PTPN9: variants seen among roughly 807,000 people sequenced by gnomAD.
The protein encoded by PTPN9 is tyrosine-protein phosphatase non-receptor type 9.
A neutral mutation model predicts 69.8 loss-of-function variants in PTPN9; 26 were observed. The ratio of observed to expected loss-of-function variants is 0.37; its 90% CI spans 0.27 to 0.52. PTPN9 has a LOEUF of 0.52. Ranked by LOEUF, PTPN9 falls within the 20% of genes least tolerant of loss-of-function variation. PTPN9 has a pLI of 0.91. For missense variants in PTPN9, 549 were observed against 740.3 expected, an observed-to-expected ratio of 0.74 and a Z score of 3.00; for synonymous variants, 274 against 272.5, an observed-to-expected ratio of 1.01 and a Z score of -0.05.
intron 1 of PTPN9, among the ~76,000 whole-genome samples, chr15:75,543,070 A>G (rs1242570874): frequency 1.4e-5 from 2 of 139,010 alleles, no homozygotes; most frequent in African/African-American, 2.7e-5. Flanking sequence ...TCACTGTTCA[A>G]TTCCCACCTA....
chr15:75,499,354 A>G (rs2074760559), intron 7 of PTPN9, among the ~76,000 whole-genome samples: 2 of 151,064 alleles, frequency 1.3e-5, no homozygotes, highest in Non-Finnish European at 1.5e-5. Flanking sequence ...CTGATTGTCA[A>G]ATGGTAGCTG....
At chr15:75,507,181 T>C (rs774036221) in intron 6 of PTPN9, among the ~76,000 whole-genome samples, 7 of 152,162 alleles carry the variant, frequency 4.6e-5, no homozygotes, top group Admixed American at 6.5e-5. Context: ...CGGTGGCTCA[T>C]GCCTATAATC....
intron 1 of PTPN9, among the ~76,000 whole-genome samples, chr15:75,530,630 T>TTATAATATACTATAATATATATTATTA (rs2074954169): frequency 2.7e-5 from 2 of 73,992 alleles, no homozygotes; most frequent in South Asian, 3.7e-4. Context: ...TATTATTATA[T>TTATAATATACTATAATATATATTATTA]TATAATATAC....
At chr15:75,530,015 AAT>A (rs2074947586) in intron 1 of PTPN9, among the ~76,000 whole-genome samples, 1 of 151,844 alleles carries the variant, frequency 6.6e-6, no homozygotes, top group African/African-American at 2.4e-5. Context: ...CAGCCTGGCC[AAT>A]ATGGTGAAAC....
chr15:75,510,461 T>C (rs2074840333), intron 5 of PTPN9, among the ~76,000 whole-genome samples: 1 of 152,194 alleles, frequency 6.6e-6, no homozygotes, highest in Non-Finnish European at 1.5e-5. Context: ...GGTTTCGAAC[T>C]CCTGATCTCA....
intron 2 of PTPN9, among the ~76,000 whole-genome samples, chr15:75,524,777 C>CCAAA: frequency 2.7e-5 from 2 of 72,940 alleles, no homozygotes; most frequent in Non-Finnish European, 2.2e-5. Context: ...GACTCTGTCT[C>CCAAA]AAAAAAAAAA....
chr15:75,470,949 C>T (rs1373620095), intron 10 of PTPN9, 119 bp from the exon 11 acceptor site: 2 of 1,209,994 alleles, frequency 1.7e-6, no homozygotes, highest in East Asian at 4.7e-5. Context: ...TTGCTTCTAA[C>T]TTACACCATT....
chr15:75,483,113 C>G (rs903316191), intron 8 of PTPN9, among the ~76,000 whole-genome samples: 1 of 152,170 alleles, frequency 6.6e-6, no homozygotes, highest in Non-Finnish European at 1.5e-5. Flanking sequence ...CATGTGTAAA[C>G]CCTCCTTATA....
chr15:75,537,370 A>C (rs796299521), intron 1 of PTPN9, among the ~76,000 whole-genome samples: 4 of 146,952 alleles, frequency 2.7e-5, no homozygotes, highest in East Asian at 2.0e-4. Flanking sequence ...AAAAAAAAAA[A>C]AACTAGTGAT....
intron 2 of PTPN9, among the ~76,000 whole-genome samples, chr15:75,525,014 C>T (rs745400778): frequency 4.6e-5 from 7 of 151,830 alleles, no homozygotes; most frequent in Non-Finnish European, 4.4e-5. Context: ...TTCTTAAACA[C>T]GCAGCAGCAC....
intron 7 of PTPN9, among the ~76,000 whole-genome samples, chr15:75,498,571 C>T (rs2074756435): frequency 6.6e-6 from 1 of 151,708 alleles, no homozygotes; most frequent in Admixed American, 6.6e-5. Flanking sequence ...AAAAATTCGT[C>T]AGGCATGGTG....
At chr15:75,578,089 A>G (rs2075181927) in intron 1 of PTPN9, among the ~76,000 whole-genome samples, 1 of 152,198 alleles carries the variant, frequency 6.6e-6, no homozygotes. Context: ...GAGGGTAGGG[A>G]AGCGCGGGTG....
At chr15:75,477,878 T>C (rs2074605393) in intron 9 of PTPN9, among the ~76,000 whole-genome samples, 1 of 148,210 alleles carries the variant, frequency 6.7e-6, no homozygotes, top group Admixed American at 6.8e-5. Context: ...CCTTCCTCTG[T>C]CGCCCAGGCT....
At chr15:75,543,014 G>A (rs1172339479) in intron 1 of PTPN9, among the ~76,000 whole-genome samples, 12 of 82,700 alleles carry the variant, frequency 1.5e-4, no homozygotes, top group South Asian at 4.0e-4. Context: ...CCCACCCCAC[G>A]ACAGTCCCCG....
chr15:75,546,594 G>C (rs908445313), intron 1 of PTPN9, among the ~76,000 whole-genome samples: 5 of 151,510 alleles, frequency 3.3e-5, no homozygotes, highest in African/African-American at 1.2e-4. Flanking sequence ...AGTGAGCCGA[G>C]ATCATGCCAC....
At chr15:75,489,720 CAAATT>C (rs996315013) in intron 8 of PTPN9, among the ~76,000 whole-genome samples, 3 of 152,158 alleles carry the variant, frequency 2.0e-5, no homozygotes, top group African/African-American at 7.2e-5. Context: ...TAGATATAAT[CAAATT>C]AATATATTAA....
At chr15:75,501,645 G>T (rs967026586) in intron 7 of PTPN9, among the ~76,000 whole-genome samples, 1 of 151,708 alleles carries the variant, frequency 6.6e-6, no homozygotes, top group Non-Finnish European at 1.5e-5. Context: ...TTTTGTAGAG[G>T]TAGGGTCTTG....
At chr15:75,502,044 C>G (rs2074775428) in intron 7 of PTPN9, among the ~76,000 whole-genome samples, 1 of 151,650 alleles carries the variant, frequency 6.6e-6, no homozygotes, top group Admixed American at 6.6e-5. Flanking sequence ...GTAGTCCCAG[C>G]TACTCAGGAG....
At position 75,474,594 on chromosome 15, in the gene PTPN9, G is replaced by C. The variant is rs2074585925; in HGVS notation, c.1130-827C>G. Among the ~76,000 whole-genome samples the C allele has an allele frequency of 2.6e-5, 4 of 151,962 alleles. No homozygotes were observed. The South Asian group carries it at 8.3e-4, about 32-fold the overall frequency. On this transcript the variant is annotated intron_variant, in intron 9 of 12. Coordinates refer to ENST00000618819, the MANE Select transcript of PTPN9 (RefSeq NM_002833.4). ...AATACTAGCATTCTTAAATCATTCAGTCTTAAAAAGGTGAAGTCAACACTG... is the reference window on the plus strand; with the variant it reads ...AATACTAGCATTCTTAAATCATTCACTCTTAAAAAGGTGAAGTCAACACTG...
Sources: gnomAD v4.1 joint callset for allele counts (sites outside exome capture counted in the v4.1 genomes callset) on GRCh38, gnomAD v4.1.1 for gene constraint, MANE v1.5 for transcripts, NCBI Gene and HGNC (gene_info 2026-07-23, HGNC 2026-07-21) for gene names.